MCTP2: variants seen among roughly 807,000 people sequenced by gnomAD.
MCTP2 encodes multiple C2 and transmembrane domain-containing protein 2.
In MCTP2, 132 loss-of-function variants were observed where a neutral mutation model predicts 111.6. The ratio of observed to expected loss-of-function variants is 1.18; its 90% CI spans 1.03 to 1.37. MCTP2 has a LOEUF of 1.37. MCTP2 is among the 40% of genes most tolerant of loss of function. The pLI, the probability that MCTP2 is intolerant of heterozygous loss-of-function variation, is 0.00. For missense variants in MCTP2, 1,183 were observed against 1,067.9 expected, an observed-to-expected ratio of 1.11 and a Z score of -1.50; for synonymous variants, 395 against 387.7, an observed-to-expected ratio of 1.02 and a Z score of -0.22.
At chr15:94,344,042 C>T (rs939787525) in intron 7 of MCTP2, 3 of 150,508 alleles carry the variant, frequency 2.0e-5, no homozygotes, top group African/African-American at 7.4e-5. Flanking sequence ...GTGAAAATAT[C>T]TGTCACTATT....
rs575351470 is a variant in MCTP2, at chr15:94,261,029, C to G, written c.-66+29365C>G. 1.9e-4 allele frequency among the ~76,000 whole-genome samples: 29 copies of G among 152,280 alleles called. No individual in the cohort carries two copies. The East Asian group carries it at 5.4e-3, about 28-fold the overall frequency. ...AACCTTTTATCATGACCGAGACCCT[C>G]CTTTCTATTGATGATTCTTTTACCA... is the stretch of plus-strand genomic sequence containing the variant. On this transcript the variant is annotated intron_variant, in intron 1 of 22. Transcript: ENST00000357742.
At chr15:94,236,505 A>G (rs1031529685) in intron 1 of MCTP2, among the ~76,000 whole-genome samples, 2 of 147,628 alleles carry the variant, frequency 1.4e-5, no homozygotes, top group East Asian at 2.1e-4. Flanking sequence ...GCTCTCGGGT[A>G]TAAACCTAAG....
At chr15:94,249,327 A>C (rs1001301493) in intron 1 of MCTP2, among the ~76,000 whole-genome samples, 1 of 152,160 alleles carries the variant, frequency 6.6e-6, no homozygotes, top group East Asian at 1.9e-4. Context: ...TGTCTTAAAG[A>C]AAGTTGTAGG....
chr15:94,448,463 A>G (rs2084255894), intron 19 of MCTP2, among the ~76,000 whole-genome samples: 2 of 152,184 alleles, frequency 1.3e-5, no homozygotes, highest in South Asian at 4.1e-4. Context: ...GTCTATATAG[A>G]TTGAGTATCC....
At chr15:94,301,546 T>C (rs2075612290) in intron 2 of MCTP2, among the ~76,000 whole-genome samples, 1 of 152,240 alleles carries the variant, frequency 6.6e-6, no homozygotes, top group Non-Finnish European at 1.5e-5. Flanking sequence ...TTTGTCTTTG[T>C]TTTCTAAGCG....
chr15:94,360,554 G>A (rs1020141196), intron 10 of MCTP2, among the ~76,000 whole-genome samples: 1 of 152,158 alleles, frequency 6.6e-6, no homozygotes, highest in African/African-American at 2.4e-5. Context: ...TGAACAGTGG[G>A]AACAGGGGCC....
At chr15:94,352,468 A>G (rs538543017) in intron 8 of MCTP2, among the ~76,000 whole-genome samples, 7 of 152,216 alleles carry the variant, frequency 4.6e-5, no homozygotes, top group Non-Finnish European at 5.9e-5. Flanking sequence ...ACATAGGAAT[A>G]GCGAAAGGTC....
At chr15:94,261,695 G>A (rs761340279) in intron 1 of MCTP2, among the ~76,000 whole-genome samples, 4 of 152,128 alleles carry the variant, frequency 2.6e-5, no homozygotes, top group Non-Finnish European at 2.9e-5. Flanking sequence ...AGATAGTGTC[G>A]CTTTTAATTG....
chr15:94,403,695 G>A lies in MCTP2; in HGVS notation c.2085+1676G>A, dbSNP rs1049350213. 4.6e-5 allele frequency among the ~76,000 whole-genome samples: 7 copies of A among 152,308 alleles called. No homozygotes were observed. The East Asian group carries it at 9.6e-4, about 21-fold the overall frequency. The stretch of plus-strand genomic sequence containing the variant: ...ACAGGAAGGGAGGCTTAGAAATGGA[G>A]CCACTTCTCCACGGCCTTTTCTCTG... On this transcript the variant is annotated intron_variant, in intron 17 of 22. Coordinates refer to ENST00000357742, the MANE Select transcript of MCTP2 (RefSeq NM_001385001.1).
At position 94,419,777 on chromosome 15, in the gene MCTP2, C is replaced by T. The variant is rs548335647; in HGVS notation, c.2085+17758C>T. ...GCTTATTTTTTTTTTTTTTACAAAT[C>T]GAAAATTTGTGCAAACCTGCATCTA... is the stretch of plus-strand genomic sequence containing the variant. On this transcript the variant is annotated intron_variant, in intron 17 of 22. Coordinates refer to ENST00000357742, the MANE Select transcript of MCTP2 (RefSeq NM_001385001.1). Among the ~76,000 whole-genome samples the T allele has an allele frequency of 3.4e-5, 5 of 146,568 alleles. No individual in the cohort carries two copies. In the South Asian group the frequency reaches 6.4e-4, roughly 19 times the overall value.
At chr15:94,417,765 G>A (rs1292563534) in intron 17 of MCTP2, among the ~76,000 whole-genome samples, 4 of 152,016 alleles carry the variant, frequency 2.6e-5, no homozygotes, top group East Asian at 1.9e-4. Flanking sequence ...TCTGAGTAAC[G>A]GGAGACCATC....
At chr15:94,389,944 C>G (rs1224261491) in intron 14 of MCTP2, among the ~76,000 whole-genome samples, 1 of 151,346 alleles carries the variant, frequency 6.6e-6, no homozygotes, top group Non-Finnish European at 1.5e-5. Flanking sequence ...AATGAAGAGC[C>G]TGTTCCAAAT....
chr15:94,308,004 A>G (rs979481464), intron 2 of MCTP2, among the ~76,000 whole-genome samples: 3 of 152,154 alleles, frequency 2.0e-5, no homozygotes, highest in African/African-American at 7.2e-5. Flanking sequence ...CACCAATCTA[A>G]TGCTACTTAC....
At chr15:94,336,543 A>T (rs1290780713) in intron 4 of MCTP2, among the ~76,000 whole-genome samples, 1 of 152,144 alleles carries the variant, frequency 6.6e-6, no homozygotes. Flanking sequence ...GACAGATGCA[A>T]CATCGAGGCA....
intron 17 of MCTP2, among the ~76,000 whole-genome samples, chr15:94,412,160 A>G (rs140218605): frequency 4.3e-4 from 65 of 152,294 alleles, no homozygotes; most frequent in African/African-American, 1.4e-3. Context: ...AGGCCTCCTC[A>G]TTTGTTTGAA....
At chr15:94,336,521 A>G (rs1255754287) in intron 4 of MCTP2, among the ~76,000 whole-genome samples, 2 of 152,118 alleles carry the variant, frequency 1.3e-5, no homozygotes, top group Non-Finnish European at 1.5e-5. Context: ...TTTGTGGCAC[A>G]TTAGCATGCC....
chr15:94,425,735 CAG>C (rs2082856549), intron 17 of MCTP2, among the ~76,000 whole-genome samples: 1 of 152,024 alleles, frequency 6.6e-6, no homozygotes, highest in Admixed American at 6.6e-5. Context: ...TTAAACATAA[CAG>C]GGTATTATGA....
At chr15:94,257,569 G>GTTGTTTT (rs2072878432) in intron 1 of MCTP2, among the ~76,000 whole-genome samples, 5 of 33,816 alleles carry the variant, frequency 1.5e-4, no homozygotes, top group African/African-American at 4.8e-4. Flanking sequence ...TTTCTTTGTT[G>GTTGTTTT]TTTTTTTTTT....
intron 1 of MCTP2, among the ~76,000 whole-genome samples, chr15:94,247,235 G>A (rs2072079867): frequency 6.6e-6 from 1 of 152,150 alleles, no homozygotes; most frequent in South Asian, 2.1e-4. Context: ...CAGTTCAGAG[G>A]GCATTGGATG....
Sources: allele counts gnomAD v4.1 joint callset (sites outside exome capture counted in the v4.1 genomes callset), GRCh38; gene constraint gnomAD v4.1.1; transcripts MANE v1.5; gene names NCBI Gene and HGNC (gene_info 2026-07-23, HGNC 2026-07-21).